Variants in CSMD1 observed in about 807,000 individuals in gnomAD.
CSMD1 encodes CUB and sushi domain-containing protein 1.
In CSMD1, 213 loss-of-function variants were observed where a neutral mutation model predicts 417.5. That is an observed-to-expected ratio of 0.51 (90% confidence interval 0.46 to 0.57). The LOEUF is 0.57. Among genes scored for constraint, CSMD1 ranks in the 20% least tolerant of loss-of-function variants. The probability of loss-of-function intolerance (pLI) is 0.00; values close to 1 mark genes in which losing one functional copy is unlikely to be tolerated. For missense variants in CSMD1, 6,923 were observed against 4,529.7 expected, an observed-to-expected ratio of 1.53 and a Z score of -15.17; for synonymous variants, 2,862 against 1,736.8, an observed-to-expected ratio of 1.65 and a Z score of -16.11.
Position 4,945,626 on chromosome 8 carries a change from G to C in CSMD1, c.85+48706C>G, listed in dbSNP as rs376949590. On this transcript the variant is annotated intron_variant, in intron 1 of 69. Coordinates refer to ENST00000635120, the MANE Select transcript of CSMD1 (RefSeq NM_033225.6). Reference sequence around the variant, plus strand: ...AGAAATTCTAAGTGATGTATTCAAGGTGATAAAGTTTGAATATTTGAATTA... The same window carrying C: ...AGAAATTCTAAGTGATGTATTCAAGCTGATAAAGTTTGAATATTTGAATTA... Among the ~76,000 whole-genome samples the C allele has an allele frequency of 4.6e-5, 7 of 152,198 alleles. No individual in the cohort carries two copies. In the East Asian group the frequency reaches 7.7e-4, roughly 17 times the overall value.
intron 3 of CSMD1, among the ~76,000 whole-genome samples, chr8:4,242,812 T>G (rs1441939737): frequency 6.6e-6 from 1 of 152,170 alleles, no homozygotes; most frequent in Admixed American, 6.5e-5. Flanking sequence ...GAAACCTTCA[T>G]TCACCAACGA....
In CSMD1 at chr8:4,782,138, G is replaced by C. The variant is rs537092442; in HGVS notation, c.86-144580C>G. On this transcript the variant is annotated intron_variant, in intron 1 of 69. Coordinates refer to ENST00000635120, the MANE Select transcript of CSMD1 (RefSeq NM_033225.6). Reference sequence around the variant, plus strand: ...AGTAGGGAGGAGGAAGGGGAGAGAGGTTGCTCAATGGGTACAAAGTTACAG... The same window carrying C: ...AGTAGGGAGGAGGAAGGGGAGAGAGCTTGCTCAATGGGTACAAAGTTACAG... Among the ~76,000 whole-genome samples, 422 of 152,236 alleles carry C rather than the reference G, an allele frequency of 2.8e-3. 5 individuals are homozygous for C. The highest frequency in any genetic ancestry group is 9.8e-3 in the African/African-American group (406 of 41,546).
At chr8:3,444,507 C>A (rs1358336727) in intron 12 of CSMD1, among the ~76,000 whole-genome samples, 1 of 152,248 alleles carries the variant, frequency 6.6e-6, no homozygotes, top group African/African-American at 2.4e-5. Flanking sequence ...CTTCTCTCCC[C>A]TCATTGGGAC....
intron 10 of CSMD1, among the ~76,000 whole-genome samples, chr8:3,525,323 G>C (rs118019642): frequency 6.6e-6 from 1 of 152,162 alleles, no homozygotes; most frequent in South Asian, 2.1e-4. Flanking sequence ...TTTCCAGTGA[G>C]AAGGGCAGCA....
chr8:3,688,111 C>G (rs2129031595), intron 7 of CSMD1, among the ~76,000 whole-genome samples: 1 of 152,312 alleles, frequency 6.6e-6, no homozygotes, highest in African/African-American at 2.4e-5. Flanking sequence ...ACTTAGTGTG[C>G]TTATCTGCTT....
intron 4 of CSMD1, among the ~76,000 whole-genome samples, chr8:4,024,990 G>A (rs756275348): frequency 2.0e-5 from 3 of 152,190 alleles, no homozygotes; most frequent in African/African-American, 7.2e-5. Flanking sequence ...GGCCTGGGTG[G>A]GTTTAAACGG....
intron 5 of CSMD1, among the ~76,000 whole-genome samples, chr8:3,762,636 G>A (rs957848119): frequency 9.2e-5 from 14 of 152,206 alleles, no homozygotes; most frequent in African/African-American, 2.9e-4. Context: ...GTCTGTGGAA[G>A]GTATAATCGC....
intron 5 of CSMD1, among the ~76,000 whole-genome samples, chr8:3,944,940 C>T (rs1041998012): frequency 6.6e-6 from 1 of 152,148 alleles, no homozygotes; most frequent in Non-Finnish European, 1.5e-5. Flanking sequence ...CTTTGTTATT[C>T]TTCGACATTA....
rs912262599 is a variant in CSMD1 at position 3,256,214 on chromosome 8, C to G, written c.4154-25983G>C. 2.0e-5 allele frequency among the ~76,000 whole-genome samples: 3 copies of G among 150,532 alleles called. No homozygotes were observed. The Admixed American group carries it at 2.0e-4, about 10-fold the overall frequency. On this transcript the variant is annotated intron_variant, in intron 26 of 69. Coordinates refer to ENST00000635120, the MANE Select transcript of CSMD1 (RefSeq NM_033225.6). ...GTGGTGGTGGCACCTGTAATCCCAA[C>G]TACTCAGGGGGCTGAGGCAGGAGAA...
In CSMD1 at chr8:3,575,060, G is replaced by A. The variant is rs1034510264; in HGVS notation, c.1229C>T (p.Thr410Ile). The change falls in exon 10 of 70, where the codon ACA (threonine) becomes ATA (isoleucine). Residue 410 changes from threonine to isoleucine, a missense_variant. Transcript: ENST00000635120. ...GGGCCCACGCAGATTGGATCCACAT[G>A]TTCTCGCTGGAAACACATAGAAACG... Reference protein sequence around the residue: ...SDHRPICRARTCGSNLRGPSG... With the variant: ...SDHRPICRARICGSNLRGPSG... 2 of 1,611,996 alleles carry A rather than the reference G, an allele frequency of 1.2e-6. No homozygotes were observed. The highest frequency in any genetic ancestry group is 1.7e-6 in the Non-Finnish European group (2 of 1,178,950).
chr8:3,895,068 T>G (rs988321848), intron 5 of CSMD1, among the ~76,000 whole-genome samples: 7 of 152,176 alleles, frequency 4.6e-5, no homozygotes, highest in Admixed American at 2.6e-4. Context: ...GTACAGCCAG[T>G]GGTCATTATA....
At chr8:4,180,587 A>G (rs550302678) in intron 3 of CSMD1, among the ~76,000 whole-genome samples, 1 of 152,160 alleles carries the variant, frequency 6.6e-6, no homozygotes, top group South Asian at 2.1e-4. Flanking sequence ...TAATAATTAA[A>G]AAAAGAAAAA....
intron 3 of CSMD1, among the ~76,000 whole-genome samples, chr8:4,156,292 G>A (rs77851757): frequency 7.9e-5 from 12 of 152,116 alleles, no homozygotes; most frequent in Admixed American, 6.5e-4. Context: ...GGTTGAAAAT[G>A]CTTTCTCCTT....
chr8:4,043,413 A>C (rs985946149), intron 3 of CSMD1, among the ~76,000 whole-genome samples: 3 of 152,242 alleles, frequency 2.0e-5, no homozygotes, highest in Non-Finnish European at 2.9e-5. Context: ...CGTAAATGAC[A>C]TGAACCTCAC....
At chr8:3,136,187 C>T (rs913233738) in intron 41 of CSMD1, among the ~76,000 whole-genome samples, 5 of 151,628 alleles carry the variant, frequency 3.3e-5, no homozygotes, top group African/African-American at 1.2e-4. Flanking sequence ...TCTATTTTCA[C>T]AATTATATGT....
chr8:4,790,316 G>A (rs1056902682), intron 1 of CSMD1, among the ~76,000 whole-genome samples: 1 of 152,080 alleles, frequency 6.6e-6, no homozygotes, highest in South Asian at 2.1e-4. Context: ...AAAACAGAAA[G>A]AAATCAGAGA....
At chr8:4,434,630 G>C (rs569988277) in intron 2 of CSMD1, among the ~76,000 whole-genome samples, 1 of 152,162 alleles carries the variant, frequency 6.6e-6, no homozygotes, top group Admixed American at 6.6e-5. Context: ...ATTAAAGACA[G>C]AGTAACAACT....
At chr8:3,945,491 C>A (rs1442421453) in intron 5 of CSMD1, among the ~76,000 whole-genome samples, 2 of 152,072 alleles carry the variant, frequency 1.3e-5, no homozygotes, top group East Asian at 3.8e-4. Flanking sequence ...CAACTGTGAA[C>A]TTCCCATATT....
At chr8:3,978,922 A>G (rs571710262) in intron 5 of CSMD1, among the ~76,000 whole-genome samples, 38 of 152,306 alleles carry the variant, frequency 2.5e-4, no homozygotes, top group Admixed American at 4.6e-4. Flanking sequence ...TAGCGTCCTA[A>G]TGTGCATTTC....
Sources: allele counts gnomAD v4.1 joint callset (sites outside exome capture counted in the v4.1 genomes callset), GRCh38; gene constraint gnomAD v4.1.1; transcripts MANE v1.5; gene names NCBI Gene and HGNC (gene_info 2026-07-23, HGNC 2026-07-21).